LRRC72: variants seen among roughly 807,000 people sequenced by gnomAD.
LRRC72 encodes the protein leucine rich repeat containing 72.
A neutral mutation model predicts 35.8 loss-of-function variants in LRRC72; 41 were observed. The observed-to-expected ratio is 1.15, with a 90% CI of 0.89 to 1.49. LRRC72 has a LOEUF of 1.49. Ranked by LOEUF, LRRC72 falls within the 40% of genes most tolerant of loss-of-function variation. The pLI is 0.00. For missense variants in LRRC72, 389 were observed against 330.7 expected (o/e 1.18, Z -1.37); for synonymous variants, 118 against 119.2 (o/e 0.99, Z 0.07).
intron 1 of LRRC72, among the ~76,000 whole-genome samples, chr7:16,528,088 T>C (rs1017748139): frequency 3.9e-5 from 6 of 152,186 alleles, no homozygotes; most frequent in Non-Finnish European, 8.8e-5. Flanking sequence ...ATTCAGTACC[T>C]TTTCTGAGTG....
chr7:16,567,564 A>AC (rs1782870859), intron 7 of LRRC72, 21 bp downstream of exon 7: 4 of 1,418,396 alleles, frequency 2.8e-6, no homozygotes, highest in Non-Finnish European at 3.7e-6. Context: ...AAAAAAAAAA[A>AC]AAAAACAAAT....
At chr7:16,573,491 A>G (rs1489286194) in intron 7 of LRRC72, among the ~76,000 whole-genome samples, 1 of 152,216 alleles carries the variant, frequency 6.6e-6, no homozygotes, top group Non-Finnish European at 1.5e-5. Context: ...GGCCTCAGAA[A>G]TAATGCCACA....
intron 7 of LRRC72, 97 bp downstream of exon 7, chr7:16,567,640 C>A (rs1484784651): frequency 2.0e-6 from 2 of 1,000,814 alleles, no homozygotes; most frequent in Non-Finnish European, 2.7e-6. Context: ...CTACAATTTA[C>A]AATAAACTTA....
intron 3 of LRRC72, among the ~76,000 whole-genome samples, chr7:16,554,000 T>A (rs970586152): frequency 1.3e-5 from 2 of 152,194 alleles, no homozygotes; most frequent in African/African-American, 4.8e-5. Flanking sequence ...ATCCTGGGAA[T>A]CAGTAATATA....
chr7:16,544,251 T>C lies in LRRC72; in HGVS notation c.234+6555T>C, dbSNP rs575403409. Among the ~76,000 whole-genome samples the C allele has an allele frequency of 2.0e-5, 3 of 152,286 alleles. No individual in the cohort carries two copies. The South Asian group carries it at 6.2e-4, about 32-fold the overall frequency. On this transcript the variant is annotated intron_variant, in intron 3 of 8. Coordinates refer to ENST00000401542, the MANE Select transcript of LRRC72 (RefSeq NM_001195280.2). ...TCATTATCTAGTGGGTGATAAAACT[T>C]GAGCTTCTGGTCCAAACGTGAACTA...
intron 7 of LRRC72, among the ~76,000 whole-genome samples, chr7:16,577,970 C>T (rs1055621982): frequency 1.3e-5 from 2 of 152,118 alleles, no homozygotes; most frequent in Non-Finnish European, 2.9e-5. Flanking sequence ...GCAGTATCCA[C>T]CAACATATAA....
chr7:16,541,365 G>C (rs1306075027), intron 3 of LRRC72, among the ~76,000 whole-genome samples: 1 of 152,212 alleles, frequency 6.6e-6, no homozygotes, highest in Non-Finnish European at 1.5e-5. Context: ...CCAGATCTCA[G>C]CACTGAATCT....
chr7:16,555,142 T>C (rs903706492), intron 3 of LRRC72, among the ~76,000 whole-genome samples: 1 of 152,176 alleles, frequency 6.6e-6, no homozygotes, highest in African/African-American at 2.4e-5. Context: ...GCTTCTCTCA[T>C]GACATAACAA....
At chr7:16,535,702 T>C (rs1782241629) in intron 2 of LRRC72, among the ~76,000 whole-genome samples, 1 of 152,216 alleles carries the variant, frequency 6.6e-6, no homozygotes, top group Non-Finnish European at 1.5e-5. Flanking sequence ...TGGGGCAGAC[T>C]GACGTCATTT....
chr7:16,565,616 T>G (rs1245357505), intron 5 of LRRC72, among the ~76,000 whole-genome samples: 1 of 152,186 alleles, frequency 6.6e-6, no homozygotes, highest in African/African-American at 2.4e-5. Flanking sequence ...GGATATGATG[T>G]CAAAAGTGCC....
chr7:16,556,416 G>A (rs1170732561), intron 3 of LRRC72, among the ~76,000 whole-genome samples: 1 of 152,130 alleles, frequency 6.6e-6, no homozygotes, highest in African/African-American at 2.4e-5. Flanking sequence ...GGAGGTTCAC[G>A]AGCATAGGAG....
chr7:16,576,101 A>G (rs2128339249), intron 7 of LRRC72, among the ~76,000 whole-genome samples: 1 of 152,332 alleles, frequency 6.6e-6, no homozygotes, highest in East Asian at 1.9e-4. Context: ...CTAATAATCG[A>G]TAGGACAATT....
intron 2 of LRRC72, among the ~76,000 whole-genome samples, chr7:16,533,164 T>A (rs1369110198): frequency 6.6e-6 from 1 of 152,090 alleles, no homozygotes; most frequent in Non-Finnish European, 1.5e-5. Flanking sequence ...TTATTAGGAA[T>A]CATTATACCA....
rs1782869766 is a variant in LRRC72 at position 16,567,544 on chromosome 7, G to C, written c.670+1G>C. Reference sequence around the variant, plus strand: ...AAACCAGCCCAGAGAGTACCTTCAGGTATTTCGTAAAAAAAAAAAAAAAAA... The same window carrying C: ...AAACCAGCCCAGAGAGTACCTTCAGCTATTTCGTAAAAAAAAAAAAAAAAA... On this transcript the variant is annotated splice_donor_variant, in intron 7 of 8. Coordinates refer to ENST00000401542, the MANE Select transcript of LRRC72 (RefSeq NM_001195280.2). LOFTEE classifies it high-confidence loss of function. 2 of 875,014 alleles carry C rather than the reference G, an allele frequency of 2.3e-6. No homozygotes were observed. The highest frequency in any genetic ancestry group is 3.1e-6 in the Non-Finnish European group (2 of 650,222). 54.2% of individuals were successfully genotyped at this position (875,014 alleles called of 1,614,324 possible).
intron 7 of LRRC72, among the ~76,000 whole-genome samples, chr7:16,576,579 C>T (rs1474963855): frequency 6.6e-6 from 1 of 152,188 alleles, no homozygotes; most frequent in African/African-American, 2.4e-5. Flanking sequence ...TCATTACTGT[C>T]TCTGGGTTTT....
intron 3 of LRRC72, among the ~76,000 whole-genome samples, chr7:16,544,003 A>G (rs774486042): frequency 2.0e-5 from 3 of 152,248 alleles, no homozygotes; most frequent in Non-Finnish European, 2.9e-5. Context: ...GATATAGCTT[A>G]TCCTGTACTT....
chr7:16,551,552 G>T (rs1583642636), intron 3 of LRRC72, among the ~76,000 whole-genome samples: 1 of 152,120 alleles, frequency 6.6e-6, no homozygotes, highest in East Asian at 1.9e-4. Flanking sequence ...AGGTTAAATT[G>T]ATCACCAATG....
chr7:16,577,326 C>G (rs1783059341), intron 7 of LRRC72, among the ~76,000 whole-genome samples: 2 of 151,910 alleles, frequency 1.3e-5, no homozygotes, highest in Admixed American at 1.3e-4. Context: ...ATAAAGTAGC[C>G]CTGGGCCAAA....
chr7:16,574,778 C>A (rs957465355), intron 7 of LRRC72, among the ~76,000 whole-genome samples: 1 of 151,626 alleles, frequency 6.6e-6, no homozygotes, highest in Non-Finnish European at 1.5e-5. Context: ...GCACATATAT[C>A]CTAAAACTTA....
Sources: allele counts gnomAD v4.1 joint callset (sites outside exome capture counted in the v4.1 genomes callset), GRCh38; gene constraint gnomAD v4.1.1; transcripts MANE v1.5; gene names NCBI Gene and HGNC (gene_info 2026-07-23, HGNC 2026-07-21).